The following PIKFYVE variants were observed in gnomAD, a reference collection of about 807,000 sequenced individuals.
PIKFYVE encodes the protein 1-phosphatidylinositol 3-phosphate 5-kinase.
In PIKFYVE, 122 loss-of-function variants were observed where a neutral mutation model predicts 257.9. The observed-to-expected ratio is 0.47, with a 90% CI of 0.41 to 0.55. The LOEUF (loss-of-function observed/expected upper bound fraction) is 0.55. Ranked by LOEUF, PIKFYVE falls within the 20% of genes least tolerant of loss-of-function variation. The pLI is 0.00. For synonymous variants in PIKFYVE, 892 were observed against 868.9 expected (o/e 1.03, Z -0.47); for missense variants, 2,160 against 2,536.6 (o/e 0.85, Z 3.19).
intron 35 of PIKFYVE, among the ~76,000 whole-genome samples, chr2:208,349,299 T>G (rs969525752): frequency 1.3e-5 from 2 of 152,134 alleles, no homozygotes; most frequent in Non-Finnish European, 2.9e-5. Flanking sequence ...CTTCAAAAAT[T>G]ATTTTGAAAT....
rs1173657242 is a variant in PIKFYVE at position 208,354,107 on chromosome 2, T to C, written c.6054T>C (p.Ser2018=). The C allele has an allele frequency of 1.2e-6, 2 of 1,613,838 alleles. No individual in the cohort carries two copies. Among genetic ancestry groups the C allele is most frequent in the Admixed American group, 1.7e-5 (1 of 59,984 alleles). The change falls in exon 40 of 42, where the codon TCT becomes TCC. Residue 2018 remains serine (S), a synonymous_variant. Transcript: ENST00000264380. ...FLSSHLIIDY[S]LLVGRDDTSN... ...CTAGCCACCTCATTATAGATTATTC[T>C]TTGCTGGTTGGGCGAGATGATACTA...
chr2:208,355,066 A>G, intron 41 of PIKFYVE, 124 bp from the exon 42 acceptor site: 2 of 777,476 alleles, frequency 2.6e-6, no homozygotes, highest in Non-Finnish European at 4.5e-6. Flanking sequence ...TTTCCTGCCC[A>G]CTCAGACTGC....
intron 5 of PIKFYVE, among the ~76,000 whole-genome samples, chr2:208,281,244 A>C (rs1460648035): frequency 6.6e-6 from 1 of 152,132 alleles, no homozygotes; most frequent in African/African-American, 2.4e-5. Flanking sequence ...TGATATTTCA[A>C]CCCCATTTAG....
intron 12 of PIKFYVE, among the ~76,000 whole-genome samples, chr2:208,310,239 A>G (rs896266887): frequency 2.0e-5 from 3 of 152,174 alleles, no homozygotes; most frequent in Admixed American, 6.5e-5. Flanking sequence ...TTCCCTTTGT[A>G]TAAATACAAA....
chr2:208,315,830 AT>A (rs1695442109), intron 15 of PIKFYVE, among the ~76,000 whole-genome samples: 1 of 56,278 alleles, frequency 1.8e-5, no homozygotes, highest in South Asian at 8.2e-4. Flanking sequence ...ACATTATGAC[AT>A]TTTTTGCGAT....
At chr2:208,333,268 G>A (rs1243395189) in intron 23 of PIKFYVE, 47 bp from the exon 24 acceptor site, 11 of 1,553,856 alleles carry the variant, frequency 7.1e-6, no homozygotes, top group Non-Finnish European at 9.6e-6. Context: ...TTTTGAAAAA[G>A]AGATTCTCAA....
chr2:208,351,484 C>A (rs1699769110), intron 38 of PIKFYVE, 29 bp downstream of exon 38: 1 of 1,548,982 alleles, frequency 6.5e-7, no homozygotes, highest in South Asian at 1.1e-5. Flanking sequence ...GGTCTGTAAT[C>A]AAAGTTTGGT....
intron 23 of PIKFYVE, 110 bp downstream of exon 23, chr2:208,330,804 T>A: frequency 9.1e-7 from 1 of 1,104,576 alleles, no homozygotes; most frequent in Non-Finnish European, 1.3e-6. Flanking sequence ...TTATTTGTTA[T>A]AGAGCTCTAT....
intron 3 of PIKFYVE, 162 bp downstream of exon 3, chr2:208,273,895 ACCTC>A: frequency 7.4e-7 from 1 of 1,358,686 alleles, no homozygotes; most frequent in Non-Finnish European, 1.0e-6. Context: ...TAAAACTCTT[ACCTC>A]GGTAGTGAAA....
At chr2:208,338,405 A>C in intron 28 of PIKFYVE, 103 bp from the exon 29 acceptor site, 1 of 968,468 alleles carries the variant, frequency 1.0e-6, no homozygotes, top group Non-Finnish European at 1.6e-6. Flanking sequence ...TAACGGTATA[A>C]ATGGGTCCTG....
At chr2:208,269,777 A>G (rs912922800) in intron 1 of PIKFYVE, 2 of 249,154 alleles carry the variant, frequency 8.0e-6, no homozygotes, top group African/African-American at 2.3e-5. Flanking sequence ...TCCTTGTTAA[A>G]CTTGATCACC....
intron 34 of PIKFYVE, 52 bp downstream of exon 34, chr2:208,346,199 G>C: frequency 7.1e-7 from 1 of 1,416,176 alleles, no homozygotes; most frequent in Non-Finnish European, 1.0e-6. Flanking sequence ...TATAATTATG[G>C]TTTGAAAAAG....
At chr2:208,349,966 A>G (rs1175176486) in intron 35 of PIKFYVE, 58 bp from the exon 36 acceptor site, 41 of 1,602,640 alleles carry the variant, frequency 2.6e-5, no homozygotes, top group Middle Eastern at 3.3e-4. Context: ...AGGAAAGGAC[A>G]AAATGAACTG....
intron 7 of PIKFYVE, among the ~76,000 whole-genome samples, chr2:208,291,366 T>C (rs1189938774): frequency 6.6e-6 from 1 of 152,138 alleles, no homozygotes; most frequent in Non-Finnish European, 1.5e-5. Flanking sequence ...GTGGTTTATA[T>C]AGTTTTTTAT....
At position 208,298,682 on chromosome 2, in the gene PIKFYVE, C is replaced by G; in HGVS notation, c.953C>G (p.Ser318Cys). The G allele has an allele frequency of 6.2e-7, 1 of 1,614,060 alleles. No homozygotes were observed. The highest frequency in any genetic ancestry group is 8.5e-7 in the Non-Finnish European group (1 of 1,179,942). Residue 318 changes from serine to cysteine, a missense_variant, in exon 8 of 42, where the codon TCT (serine) becomes TGT (cysteine). Physicochemically the swap from Ser to Cys is moderately radical, Grantham distance 112. Coordinates refer to ENST00000264380, the MANE Select transcript of PIKFYVE (RefSeq NM_015040.4). The part of the protein sequence containing the change: ...ITNLSLDRSG[S>C]PMVPSYETSV... ...AACCTGTCACTGGATAGATCTGGTT[C>G]TCCTATGGTACCTTCATATGAGACA...
chr2:208,329,477 G>C (rs1050696303), intron 21 of PIKFYVE, among the ~76,000 whole-genome samples: 11 of 152,176 alleles, frequency 7.2e-5, no homozygotes, highest in African/African-American at 2.7e-4. Context: ...TCCATGCTCA[G>C]TAAAGGCATG....
rs1464053208 is a variant in PIKFYVE, at chr2:208,350,093, A to C, written c.5434+10A>C. On this transcript the variant is annotated intron_variant, in intron 36 of 41. Transcript: ENST00000264380. ...CCTCATGTGGAACTTCGTAAGTATG[A>C]GATATTATATCATTGGTTTGGGGAG... is the stretch of plus-strand genomic sequence containing the variant. 6.2e-7 allele frequency: 1 copy of C among 1,612,542 alleles called. No individual in the cohort carries two copies. Among genetic ancestry groups the C allele is most frequent in the South Asian group, 1.1e-5 (1 of 91,032 alleles).
chr2:208,321,307 G>C (rs1696174351), intron 17 of PIKFYVE, among the ~76,000 whole-genome samples: 1 of 152,050 alleles, frequency 6.6e-6, no homozygotes, highest in African/African-American at 2.4e-5. Flanking sequence ...AAAATTCCTA[G>C]GTAAATACAT....
chr2:208,314,206 A>G, intron 13 of PIKFYVE, 88 bp from the exon 14 acceptor site: 1 of 1,454,632 alleles, frequency 6.9e-7, no homozygotes, highest in Non-Finnish European at 9.5e-7. Flanking sequence ...AAACATTTAT[A>G]AAGACAAAGG....
Sources: gnomAD v4.1 joint callset for allele counts (sites outside exome capture counted in the v4.1 genomes callset) on GRCh38, gnomAD v4.1.1 for gene constraint, MANE v1.5 for transcripts, NCBI Gene and HGNC (gene_info 2026-07-23, HGNC 2026-07-21) for gene names.